The following ANKS1A variants were observed in gnomAD, a reference collection of about 807,000 sequenced individuals.
ANKS1A encodes ankyrin repeat and SAM domain-containing protein 1A.
Under a neutral mutation model 120.3 loss-of-function variants are expected in ANKS1A, and 55 were observed. The observed-to-expected ratio is 0.46, with a 90% CI of 0.37 to 0.57. The LOEUF is 0.57. Among genes scored for constraint, ANKS1A ranks in the 20% least tolerant of loss-of-function variants. The pLI is 0.00. For missense variants in ANKS1A, 1,123 were observed against 1,480.3 expected (o/e 0.76, Z 3.96); for synonymous variants, 590 against 604.7 (o/e 0.98, Z 0.36).
At position 34,926,237 on chromosome 6, in the gene ANKS1A, T is replaced by C. The variant is rs532852860; in HGVS notation, c.197+36638T>C. The stretch of plus-strand genomic sequence containing the variant: ...TGCAGAGGACACAGGTGAAGGATGC[T>C]CACCTGTGAGAAGGGCAGGGCCTGC... On this transcript the variant is annotated intron_variant, in intron 1 of 23. Coordinates refer to ENST00000360359, the MANE Select transcript of ANKS1A (RefSeq NM_015245.3). 3.3e-5 allele frequency among the ~76,000 whole-genome samples: 5 copies of C among 152,238 alleles called. No individual in the cohort carries two copies. In the East Asian group the frequency reaches 7.7e-4, roughly 24 times the overall value.
intron 11 of ANKS1A, among the ~76,000 whole-genome samples, chr6:35,045,896 C>T (rs1775697948): frequency 6.6e-6 from 1 of 152,252 alleles, no homozygotes; most frequent in South Asian, 2.1e-4. Context: ...AACAAAAGTG[C>T]TTTCAGGGTC....
intron 18 of ANKS1A, 141 bp from the exon 19 acceptor site, chr6:35,083,014 G>A: frequency 7.9e-7 from 1 of 1,259,516 alleles, no homozygotes; most frequent in Non-Finnish European, 1.1e-6. Flanking sequence ...TGAATGGAGG[G>A]TCTCTCCAGC....
At chr6:35,059,581 G>C (rs1423880731) in intron 12 of ANKS1A, among the ~76,000 whole-genome samples, 2 of 152,228 alleles carry the variant, frequency 1.3e-5, no homozygotes, top group African/African-American at 4.8e-5. Context: ...CTCGCTGTGT[G>C]CCTGTGTCCC....
chr6:35,083,671 G>T (rs1561967686), intron 20 of ANKS1A, among the ~76,000 whole-genome samples, 168 bp downstream of exon 20: 1 of 152,120 alleles, frequency 6.6e-6, no homozygotes, highest in Non-Finnish European at 1.5e-5. Flanking sequence ...TCTCTCATCT[G>T]CTGGCCTGGG....
At position 34,982,280 on chromosome 6, in the gene ANKS1A, G is replaced by A. The variant is rs1295030000; in HGVS notation, c.732+294G>A. On this transcript the variant is annotated intron_variant, in intron 4 of 23. Coordinates refer to ENST00000360359, the MANE Select transcript of ANKS1A (RefSeq NM_015245.3). The surrounding 1 kb of genome is among the most constrained non-coding windows in gnomAD (Gnocchi z 4.9). Reference sequence around the variant, plus strand: ...AAAGTTTCATTATCTTCCTATCCATGTGTTCCCACTGCCACCATTTAGCGC... The same window carrying A: ...AAAGTTTCATTATCTTCCTATCCATATGTTCCCACTGCCACCATTTAGCGC... 6.6e-6 allele frequency among the ~76,000 whole-genome samples: 1 copy of A among 152,140 alleles called. No individual in the cohort carries two copies. The highest frequency in any genetic ancestry group is 1.5e-5 in the Non-Finnish European group (1 of 68,040).
In ANKS1A at chr6:35,060,094, C is replaced by T; in HGVS notation, c.2078-53C>T. 2.7e-6 allele frequency: 4 copies of T among 1,474,110 alleles called. No homozygotes were observed. The highest frequency in any genetic ancestry group is 3.8e-6 in the Non-Finnish European group (4 of 1,065,714). The allele number at this position is 1,474,110 out of a possible 1,614,324, so 91.3% of individuals were successfully genotyped here. A position where few individuals can be genotyped will look rare whatever the true frequency, so the allele number is the denominator to read the frequency against. ...TATCTTCCTCTGAGTGCCGCTGCTACCGCCTTAATGGTTTTTCCCTTTTCA... is the reference window on the plus strand; with the variant it reads ...TATCTTCCTCTGAGTGCCGCTGCTATCGCCTTAATGGTTTTTCCCTTTTCA... On this transcript the variant is annotated intron_variant, in intron 12 of 23. Coordinates refer to ENST00000360359, the MANE Select transcript of ANKS1A (RefSeq NM_015245.3). The surrounding 1 kb of genome is among the most constrained non-coding windows in gnomAD (Gnocchi z 4.5).
At chr6:35,079,378 G>A in intron 14 of ANKS1A, 138 bp from the exon 15 acceptor site, 1 of 996,594 alleles carries the variant, frequency 1.0e-6, no homozygotes, top group African/African-American at 1.6e-5. Context: ...GCGAAGTGGG[G>A]GGCTGGAAGG....
chr6:34,908,685 G>C (rs1014543257), intron 1 of ANKS1A, among the ~76,000 whole-genome samples: 40 of 152,050 alleles, frequency 2.6e-4, no homozygotes, highest in African/African-American at 8.5e-4. Context: ...GTACCTTAGG[G>C]GCATCATAAT....
At chr6:34,981,307 T>C in intron 3 of ANKS1A, among the ~76,000 whole-genome samples, 1 of 152,222 alleles carries the variant, frequency 6.6e-6, no homozygotes, top group East Asian at 1.9e-4. Context: ...GCCTACAAAT[T>C]GTAAAACCAT....
chr6:34,889,578 AC>A lies in ANKS1A; in HGVS notation c.181del (p.Leu61SerfsTer13), dbSNP rs1201951499. 7.7e-7 allele frequency: 1 copy of A among 1,294,080 alleles called. No homozygotes were observed. The highest frequency in any genetic ancestry group is 9.7e-7 in the Non-Finnish European group (1 of 1,031,532). 80.2% of individuals were successfully genotyped at this position (1,294,080 alleles called of 1,614,324 possible). A position where few individuals can be genotyped will look rare whatever the true frequency, so the allele number is the denominator to read the frequency against. On this transcript the variant is annotated frameshift_variant, in exon 1 of 24. Coordinates refer to ENST00000360359, the MANE Select transcript of ANKS1A (RefSeq NM_015245.3). LOFTEE classifies it high-confidence loss of function. The surrounding 1 kb of genome is among the most constrained non-coding windows in gnomAD (Gnocchi z 5.5). ...GGGGGLGSSS[H>X]PLSSLLSMWR... ...GGCGGCGGCCTCGGCTCTTCCAGCCACCCCCTCTCCAGTCTGCTCAGGTGGG... is the reference window on the plus strand; with the variant it reads ...GGCGGCGGCCTCGGCTCTTCCAGCCACCCCTCTCCAGTCTGCTCAGGTGGG...
In ANKS1A at chr6:35,078,594, A is replaced by G. The variant is rs1467276241; in HGVS notation, c.2221A>G (p.Ile741Val). The G allele has an allele frequency of 3.7e-6, 6 of 1,609,180 alleles. No homozygotes were observed. The highest frequency in any genetic ancestry group is 4.2e-6 in the Non-Finnish European group (5 of 1,179,948). The change falls in exon 14 of 24, where the codon ATC becomes GTC. Residue 741 changes from isoleucine to valine, a missense_variant. Around this residue, in one of 3 missense-constraint regions of ANKS1A, gnomAD observed 904 missense variants for 1,130.4 expected, o/e 0.80. Coordinates refer to ENST00000360359, the MANE Select transcript of ANKS1A (RefSeq NM_015245.3). The stretch of plus-strand genomic sequence containing the variant: ...GATGGAAGAGCAGGACCTGCGGGAC[A>G]TCGGCATCAGCGACCCACAGCACCG... ...NVMEEQDLRD[I>V]GISDPQHRRK...
At chr6:34,972,528 G>T (rs997857297) in intron 3 of ANKS1A, 30 of 918,820 alleles carry the variant, frequency 3.3e-5, no homozygotes, top group Middle Eastern at 5.5e-4. Context: ...GTATTGCTTT[G>T]ATATATTTCA....
chr6:34,967,219 C>G lies in ANKS1A; in HGVS notation c.198-20C>G. The G allele has an allele frequency of 7.1e-7, 1 of 1,408,048 alleles. No individual in the cohort carries two copies. Among genetic ancestry groups the G allele is most frequent in the Non-Finnish European group, 9.7e-7 (1 of 1,027,436 alleles). 87.2% of individuals were successfully genotyped at this position (1,408,048 alleles called of 1,614,324 possible). ...CGGTCTGTGAAATCTATGTCTCTCT[C>G]TTTTTTTTTTCCCTGATAGCATGTG... is the stretch of plus-strand genomic sequence containing the variant. On this transcript the variant is annotated intron_variant, in intron 1 of 23. Coordinates refer to ENST00000360359, the MANE Select transcript of ANKS1A (RefSeq NM_015245.3).
intron 11 of ANKS1A, among the ~76,000 whole-genome samples, chr6:35,018,994 T>C (rs1774191386): frequency 6.6e-6 from 1 of 152,140 alleles, no homozygotes; most frequent in Admixed American, 6.5e-5. Context: ...ATTCCCAGAT[T>C]GGTCAGGCAG....
Position 35,058,910 on chromosome 6 carries a change from C to T in ANKS1A, c.2078-1237C>T, listed in dbSNP as rs961565645. Reference sequence around the variant, plus strand: ...GGAGCAAATAGATGTCCTCCCTTCCCTGCTCATCCTTAGAGGAGAACGCCA... The same window carrying T: ...GGAGCAAATAGATGTCCTCCCTTCCTTGCTCATCCTTAGAGGAGAACGCCA... On this transcript the variant is annotated intron_variant, in intron 12 of 23. Coordinates refer to ENST00000360359, the MANE Select transcript of ANKS1A (RefSeq NM_015245.3). This position sits in a 1 kb window ranked among gnomAD's most constrained non-coding sequence, Gnocchi z 5.1. Among the ~76,000 whole-genome samples the T allele has an allele frequency of 3.9e-5, 6 of 152,202 alleles. No homozygotes were observed. The highest frequency in any genetic ancestry group is 1.4e-4 in the African/African-American group (6 of 41,458).
intron 11 of ANKS1A, among the ~76,000 whole-genome samples, chr6:35,039,388 G>A (rs1775345217): frequency 6.6e-6 from 1 of 151,860 alleles, no homozygotes; most frequent in Non-Finnish European, 1.5e-5. Context: ...GTAGAGATGT[G>A]GTTTCTCCAT....
At position 34,989,307 on chromosome 6, in the gene ANKS1A, A is replaced by G; in HGVS notation, c.1293A>G (p.Thr431=). The G allele has an allele frequency of 6.2e-7, 1 of 1,613,790 alleles. No homozygotes were observed. The highest frequency in any genetic ancestry group is 8.5e-7 in the Non-Finnish European group (1 of 1,179,792). ...TAGATAAGAAGTATTTTCCCTTGAC[A>G]GCTTCTGAGGTAGAGGGTTGTGGGT... ...DHIDKKYFPL[T]ASEVLSMRPR... Residue 431 remains threonine (T), a synonymous_variant, in exon 9 of 24, where the codon ACA becomes ACG. Transcript: ENST00000360359.
intron 1 of ANKS1A, among the ~76,000 whole-genome samples, chr6:34,943,901 A>G (rs1769651564): frequency 6.6e-6 from 1 of 152,244 alleles, no homozygotes; most frequent in African/African-American, 2.4e-5. Context: ...CATTTGGGTA[A>G]ATACCCAGGA....
intron 11 of ANKS1A, among the ~76,000 whole-genome samples, chr6:35,041,121 G>A (rs1031496090): frequency 3.9e-5 from 6 of 152,254 alleles, no homozygotes; most frequent in African/African-American, 1.4e-4. Flanking sequence ...AAAAATAACA[G>A]TTGTCCTGGG....
Sources: gnomAD v4.1 joint callset for allele counts (sites outside exome capture counted in the v4.1 genomes callset) on GRCh38, gnomAD v4.1.1 for gene constraint, gnomAD v4.1.1 regional missense constraint, Gnocchi (gnomAD v3.1) non-coding constraint, MANE v1.5 for transcripts, NCBI Gene and HGNC (gene_info 2026-07-23, HGNC 2026-07-21) for gene names.